MTUS2: variants seen among roughly 807,000 people sequenced by gnomAD.
MTUS2 encodes microtubule-associated tumor suppressor candidate 2.
MTUS2 carries 40 observed loss-of-function variants against 114.1 expected under a neutral mutation model. The observed-to-expected ratio is 0.35, with a 90% CI of 0.27 to 0.46. The LOEUF is 0.46. Among genes scored for constraint, MTUS2 ranks in the 20% least tolerant of loss-of-function variants. The pLI, the probability that MTUS2 is intolerant of heterozygous loss-of-function variation, is 1.00. For missense variants in MTUS2, 1,679 were observed against 1,705.4 expected, an observed-to-expected ratio of 0.98 and a Z score of 0.27; for synonymous variants, 688 against 672.0, an observed-to-expected ratio of 1.02 and a Z score of -0.37.
chr13:29,354,842 A>G (rs1292122220), intron 7 of MTUS2, among the ~76,000 whole-genome samples: 1 of 152,238 alleles, frequency 6.6e-6, no homozygotes, highest in African/African-American at 2.4e-5. Flanking sequence ...GATTGGTTTG[A>G]TAAAAATAAA....
chr13:28,860,928 C>T (rs1029040929), intron 2 of MTUS2, among the ~76,000 whole-genome samples: 5 of 152,176 alleles, frequency 3.3e-5, no homozygotes, highest in Non-Finnish European at 7.3e-5. Context: ...GGCAGACAGT[C>T]CCTTGCTAGT....
chr13:29,491,375 T>C (rs955607578), intron 11 of MTUS2, among the ~76,000 whole-genome samples: 4 of 149,124 alleles, frequency 2.7e-5, no homozygotes, highest in African/African-American at 9.9e-5. Flanking sequence ...GTGTATATGG[T>C]ATATATGTGT....
intron 9 of MTUS2, among the ~76,000 whole-genome samples, chr13:29,455,957 G>A (rs9314957): frequency 1.6e-3 from 238 of 152,036 alleles, no homozygotes; most frequent in Non-Finnish European, 2.7e-3. Context: ...CTCCAGTCTG[G>A]GCAACAGAGC....
chr13:29,106,944 C>A (rs1418393315), intron 5 of MTUS2, among the ~76,000 whole-genome samples: 1 of 152,034 alleles, frequency 6.6e-6, no homozygotes, highest in Non-Finnish European at 1.5e-5. Flanking sequence ...TCCCAACTAG[C>A]CAAATGTGAG....
intron 9 of MTUS2, among the ~76,000 whole-genome samples, chr13:29,459,037 G>A (rs1203760204): frequency 6.6e-6 from 1 of 152,230 alleles, no homozygotes; most frequent in Non-Finnish European, 1.5e-5. Context: ...GAAAGAGAAA[G>A]CAAAGGGCCA....
chr13:29,316,742 T>G (rs1370516073), intron 6 of MTUS2, among the ~76,000 whole-genome samples: 1 of 152,030 alleles, frequency 6.6e-6, no homozygotes, highest in African/African-American at 2.4e-5. Context: ...ACTCCGTACC[T>G]TCAGTTCCTT....
At chr13:29,216,148 C>G (rs554797819) in intron 5 of MTUS2, among the ~76,000 whole-genome samples, 1 of 152,212 alleles carries the variant, frequency 6.6e-6, no homozygotes, top group Middle Eastern at 3.2e-3. Context: ...TCCACCCAGT[C>G]CAAACTTTCT....
intron 6 of MTUS2, among the ~76,000 whole-genome samples, chr13:29,287,650 A>C (rs1419921724): frequency 6.6e-6 from 1 of 152,180 alleles, no homozygotes; most frequent in Non-Finnish European, 1.5e-5. Context: ...AAACTCAAAC[A>C]TTCTTTCAAG....
At chr13:29,181,775 A>G (rs1199599920) in intron 5 of MTUS2, among the ~76,000 whole-genome samples, 4 of 137,700 alleles carry the variant, frequency 2.9e-5, no homozygotes, top group Non-Finnish European at 4.6e-5. Context: ...AAATCATTAT[A>G]ATTTATATAC....
intron 2 of MTUS2, among the ~76,000 whole-genome samples, chr13:28,895,407 G>A (rs1458894924): frequency 6.6e-6 from 1 of 152,104 alleles, no homozygotes; most frequent in Non-Finnish European, 1.5e-5. Flanking sequence ...ACTATTTTGA[G>A]GAGTTCTGTA....
At chr13:28,918,696 A>G (rs1282818535) in intron 2 of MTUS2, among the ~76,000 whole-genome samples, 1 of 151,812 alleles carries the variant, frequency 6.6e-6, no homozygotes, top group Non-Finnish European at 1.5e-5. Context: ...ATAAAGTAAG[A>G]GCTTACTCTT....
chr13:29,040,650 C>T (rs1020799004), intron 4 of MTUS2, among the ~76,000 whole-genome samples: 1 of 152,148 alleles, frequency 6.6e-6, no homozygotes, highest in Non-Finnish European at 1.5e-5. Flanking sequence ...TTGATTATGG[C>T]ATTCTTGCAG....
intron 5 of MTUS2, among the ~76,000 whole-genome samples, chr13:29,168,265 G>A (rs533888424): frequency 3.0e-4 from 45 of 152,238 alleles, no homozygotes; most frequent in South Asian, 1.7e-3. Flanking sequence ...TGTTATGGAC[G>A]TTGATGATGT....
At chr13:29,377,312 T>C (rs3121747) in intron 8 of MTUS2, among the ~76,000 whole-genome samples, 92,572 of 151,960 alleles carry the variant, frequency 0.61, 29,111 homozygotes, top group East Asian at 0.75. Context: ...CTTTCAAGTG[T>C]ACATGGAACA....
At chr13:29,037,428 C>CT (rs35707999) in intron 4 of MTUS2, among the ~76,000 whole-genome samples, 68,530 of 152,048 alleles carry the variant, frequency 0.45, 16,328 homozygotes, top group South Asian at 0.72. Flanking sequence ...ACCTTTCTCT[C>CT]TGTCTGCCCT....
chr13:29,147,889 G>T (rs9579296), intron 5 of MTUS2, among the ~76,000 whole-genome samples: 59,477 of 151,992 alleles, frequency 0.39, 13,710 homozygotes, highest in Non-Finnish European at 0.48. Context: ...GAATAGTGCT[G>T]CTATGAACAT....
intron 11 of MTUS2, 142 bp downstream of exon 11, chr13:29,488,147 C>G (rs1881771656): frequency 1.5e-6 from 1 of 654,010 alleles, no homozygotes; most frequent in Non-Finnish European, 2.7e-6. Context: ...CCTGTTGGCT[C>G]CTGGGAAAAG....
intron 9 of MTUS2, among the ~76,000 whole-genome samples, chr13:29,477,323 C>T (rs779118806): frequency 6.6e-6 from 1 of 152,176 alleles, no homozygotes; most frequent in Non-Finnish European, 1.5e-5. Context: ...TATATATCTA[C>T]CTCTTACCTC....
At chr13:29,021,001 T>C (rs1032992393) in intron 2 of MTUS2, among the ~76,000 whole-genome samples, 1 of 152,250 alleles carries the variant, frequency 6.6e-6, no homozygotes, top group Admixed American at 6.5e-5. Context: ...GTGCTGTGAC[T>C]CATGCCTGTA....
Sources: gnomAD v4.1 joint callset for allele counts (sites outside exome capture counted in the v4.1 genomes callset) on GRCh38, gnomAD v4.1.1 for gene constraint, MANE v1.5 for transcripts, NCBI Gene and HGNC (gene_info 2026-07-23, HGNC 2026-07-21) for gene names.